Variants in DACH1 observed in about 807,000 individuals in gnomAD.
DACH1 encodes dachshund family transcription factor 1, also known as dachshund homolog 1.
Under a neutral mutation model 54.2 loss-of-function variants are expected in DACH1, and 12 were observed. The observed-to-expected ratio is 0.22, with a 90% CI of 0.14 to 0.36. DACH1 has a LOEUF of 0.36. Among genes scored for constraint, DACH1 ranks in the 10% least tolerant of loss-of-function variants. The probability of loss-of-function intolerance (pLI) is 1.00; values close to 1 mark genes in which losing one functional copy is unlikely to be tolerated. For synonymous variants in DACH1, 386 were observed against 366.2 expected, an observed-to-expected ratio of 1.05 and a Z score of -0.62; for missense variants, 805 against 929.8, an observed-to-expected ratio of 0.87 and a Z score of 1.75.
intron 3 of DACH1, among the ~76,000 whole-genome samples, chr13:71,603,661 G>T (rs1339686354): frequency 6.6e-6 from 1 of 151,702 alleles, no homozygotes; most frequent in African/African-American, 2.4e-5. Flanking sequence ...TACAAATAAC[G>T]AATTTTAAAA....
intron 1 of DACH1, among the ~76,000 whole-genome samples, chr13:71,748,211 G>A (rs1432941785): frequency 1.3e-5 from 2 of 151,606 alleles, no homozygotes; most frequent in African/African-American, 2.4e-5. Flanking sequence ...ACAATGTTGA[G>A]GGGGGGAAAG....
intron 1 of DACH1, among the ~76,000 whole-genome samples, chr13:71,778,509 A>C (rs1290948441): frequency 6.6e-6 from 1 of 152,128 alleles, no homozygotes; most frequent in Non-Finnish European, 1.5e-5. Flanking sequence ...ATGTTGAACA[A>C]ATGTCCCCAA....
intron 1 of DACH1, among the ~76,000 whole-genome samples, chr13:71,743,785 T>C (rs1884500216): frequency 6.6e-6 from 1 of 152,132 alleles, no homozygotes; most frequent in African/African-American, 2.4e-5. Flanking sequence ...AAAAAGAAAA[T>C]TATATTTTAA....
intron 2 of DACH1, among the ~76,000 whole-genome samples, chr13:71,667,712 G>A (rs1443702900): frequency 6.6e-6 from 1 of 152,066 alleles, no homozygotes; most frequent in Non-Finnish European, 1.5e-5. Flanking sequence ...AGGTCATATG[G>A]TAACAGGTTC....
At chr13:71,789,360 T>C (rs1886740411) in intron 1 of DACH1, among the ~76,000 whole-genome samples, 1 of 152,122 alleles carries the variant, frequency 6.6e-6, no homozygotes, top group African/African-American at 2.4e-5. Flanking sequence ...ATGTTATGCA[T>C]ATCAATTTAA....
chr13:71,817,016 G>A (rs1184210954), intron 1 of DACH1, among the ~76,000 whole-genome samples: 1 of 151,984 alleles, frequency 6.6e-6, no homozygotes, highest in Non-Finnish European at 1.5e-5. Context: ...CATGACACAA[G>A]TTTACCTGTG....
intron 1 of DACH1, among the ~76,000 whole-genome samples, chr13:71,791,937 A>G (rs570708892): frequency 6.6e-6 from 1 of 152,260 alleles, no homozygotes; most frequent in African/African-American, 2.4e-5. Context: ...TCTCCACCAA[A>G]GCCACCTCAG....
intron 2 of DACH1, among the ~76,000 whole-genome samples, chr13:71,642,866 T>C (rs1434528584): frequency 6.6e-6 from 1 of 151,044 alleles, no homozygotes; most frequent in Non-Finnish European, 1.5e-5. Flanking sequence ...CTGAAAAAAA[T>C]ATACAAAAAT....
intron 3 of DACH1, among the ~76,000 whole-genome samples, chr13:71,612,146 T>C (rs2138518602): frequency 6.6e-6 from 1 of 152,260 alleles, no homozygotes; most frequent in East Asian, 1.9e-4. Context: ...TTATTTTACA[T>C]TCTCCATAGT....
At chr13:71,590,875 C>CTTTTTTTTTTTTTTTT (rs71123234) in intron 3 of DACH1, among the ~76,000 whole-genome samples, 3 of 85,140 alleles carry the variant, frequency 3.5e-5, no homozygotes, top group Admixed American at 1.7e-4. Flanking sequence ...CTCTCTCTTT[C>CTTTTTTTTTTTTTTTT]TTTTTTTTTT....
chr13:71,717,504 TCA>T (rs3221998), intron 1 of DACH1, among the ~76,000 whole-genome samples: 66,415 of 142,558 alleles, frequency 0.47, 18,087 homozygotes, highest in Non-Finnish European at 0.63. Context: ...GTGTGTGTAA[TCA>T]CACACACACA....
chr13:71,779,247 GTATATACGTATATATGTGTA>G (rs1566495133), intron 1 of DACH1, among the ~76,000 whole-genome samples: 36,847 of 121,018 alleles, frequency 0.3, 6,420 homozygotes, highest in African/African-American at 0.4. Flanking sequence ...ACATATATAC[GTATATACGTATATATGTGTA>G]TATATACGTA....
At chr13:71,502,764 A>T (rs1880024105) in intron 6 of DACH1, among the ~76,000 whole-genome samples, 1 of 152,158 alleles carries the variant, frequency 6.6e-6, no homozygotes, top group Non-Finnish European at 1.5e-5. Flanking sequence ...TCACCATAAG[A>T]ACCTTGTGTA....
At chr13:71,471,547 T>C (rs1212722094) in intron 10 of DACH1, among the ~76,000 whole-genome samples, 1 of 151,644 alleles carries the variant, frequency 6.6e-6, no homozygotes, top group Non-Finnish European at 1.5e-5. Flanking sequence ...GATCACAAGG[T>C]CAGGAGTTCG....
At chr13:71,775,818 C>A (rs553585272) in intron 1 of DACH1, among the ~76,000 whole-genome samples, 60 of 152,132 alleles carry the variant, frequency 3.9e-4, no homozygotes, top group African/African-American at 1.3e-3. Context: ...TTAGTATTTT[C>A]AATTTTAAAT....
intron 1 of DACH1, among the ~76,000 whole-genome samples, chr13:71,761,133 T>C (rs992892237): frequency 1.3e-5 from 2 of 152,150 alleles, no homozygotes; most frequent in African/African-American, 4.8e-5. Context: ...GATAAGTAGA[T>C]TAAGTCCTTA....
At chr13:71,667,956 T>C (rs1282900044) in intron 2 of DACH1, among the ~76,000 whole-genome samples, 1 of 152,120 alleles carries the variant, frequency 6.6e-6, no homozygotes. Flanking sequence ...AAGAATTTTA[T>C]TAAGCAATAT....
intron 4 of DACH1, among the ~76,000 whole-genome samples, chr13:71,563,865 G>A (rs974915530): frequency 6.6e-6 from 1 of 151,572 alleles, no homozygotes; most frequent in African/African-American, 2.4e-5. Context: ...ATTTATGCAA[G>A]TGTTTATGAT....
rs116763855 is a variant in DACH1 at position 71,468,427 on chromosome 13, C to A, written c.2083+6714G>T. ...ATTTCAGTCTAGATGTGATTTCTAGCATTTCTTAACTATTAGCTTCCATAG... is the reference window on the plus strand; with the variant it reads ...ATTTCAGTCTAGATGTGATTTCTAGAATTTCTTAACTATTAGCTTCCATAG... On this transcript the variant is annotated intron_variant, in intron 10 of 10. Transcript: ENST00000613252. Among the ~76,000 whole-genome samples, 886 of 152,262 alleles carry A rather than the reference C, an allele frequency of 5.8e-3. 8 individuals carry two copies. Among genetic ancestry groups the A allele is most frequent in the African/African-American group, 0.02 (839 of 41,554 alleles).
Sources: allele counts gnomAD v4.1 joint callset (sites outside exome capture counted in the v4.1 genomes callset), GRCh38; gene constraint gnomAD v4.1.1; transcripts MANE v1.5; gene names NCBI Gene and HGNC (gene_info 2026-07-23, HGNC 2026-07-21).